DMD: variants seen among roughly 807,000 people sequenced by gnomAD.
DMD encodes mutant dystrophin.
Under a neutral mutation model 330.1 loss-of-function variants are expected in DMD, and 63 were observed. The observed-to-expected ratio is 0.19, with a 90% CI of 0.16 to 0.24. The LOEUF (loss-of-function observed/expected upper bound fraction) is 0.24. Ranked by LOEUF, DMD falls within the 10% of genes least tolerant of loss-of-function variation. The probability of loss-of-function intolerance (pLI) is 1.00; values close to 1 mark genes in which losing one functional copy is unlikely to be tolerated. For missense variants in DMD, 3,344 were observed against 2,684.1 expected, an observed-to-expected ratio of 1.25 and a Z score of -5.43; for synonymous variants, 1,223 against 959.8, an observed-to-expected ratio of 1.27 and a Z score of -5.07.
intron 2 of DMD, among the ~76,000 whole-genome samples, chrX:33,014,193 C>T (rs2093755800): frequency 9.0e-6 from 1 of 111,284 alleles, no homozygotes; most frequent in Non-Finnish European, 1.9e-5. Flanking sequence ...GTTGTGAAGG[C>T]CAACATCCTA....
rs138366351 is a variant in DMD, at chrX:32,784,720, A to C, written c.649+24773T>G. On this transcript the variant is annotated intron_variant, in intron 7 of 78. Transcript: ENST00000357033. ...TGGATCCGTGGATTTTGGTATATTT[A>C]AAATCCCATATAAGAATTATGATGC... Among the ~76,000 whole-genome samples, 421 of 111,977 alleles carry C rather than the reference A, an allele frequency of 3.8e-3. 2 individuals are homozygous for C. Among genetic ancestry groups the C allele is most frequent in the African/African-American group, 0.013 (390 of 30,999 alleles).
At chrX:32,910,451 T>C (rs2087125425) in intron 2 of DMD, among the ~76,000 whole-genome samples, 1 of 111,216 alleles carries the variant, frequency 9.0e-6, no homozygotes, top group Non-Finnish European at 1.9e-5. Flanking sequence ...TTTTTTTAGA[T>C]AGAGTCTCAC....
chrX:32,964,429 C>T (rs962327745), intron 2 of DMD, among the ~76,000 whole-genome samples: 7 of 110,407 alleles, frequency 6.3e-5, no homozygotes, highest in Non-Finnish European at 9.5e-5. Flanking sequence ...CTTTATAAGC[C>T]GGGCTCAGTG....
At chrX:31,442,752 T>C (rs1461037199) in intron 60 of DMD, among the ~76,000 whole-genome samples, 2 of 111,511 alleles carry the variant, frequency 1.8e-5, no homozygotes. Context: ...TTTCCTTATT[T>C]ATACTTAAGA....
intron 1 of DMD, among the ~76,000 whole-genome samples, chrX:33,050,420 T>A (rs895339052): frequency 9.9e-5 from 11 of 111,569 alleles, no homozygotes; most frequent in East Asian, 8.4e-4. Context: ...AGATTTTTTT[T>A]AAAAAAAGAA....
At chrX:32,961,443 T>G (rs1460149978) in intron 2 of DMD, among the ~76,000 whole-genome samples, 1 of 111,064 alleles carries the variant, frequency 9.0e-6, no homozygotes, top group Non-Finnish European at 1.9e-5. Flanking sequence ...ATTTAAAAAT[T>G]CTAATAAGGC....
intron 44 of DMD, among the ~76,000 whole-genome samples, chrX:32,012,017 G>T (rs1413634919): frequency 1.8e-5 from 2 of 111,766 alleles, no homozygotes; most frequent in Non-Finnish European, 3.8e-5. Flanking sequence ...CTAAACAGTT[G>T]TCAAGCCCCC....
rs535910805 is a variant in DMD at position 32,786,855 on chromosome X, C to T, written c.649+22638G>A. 6.2e-4 allele frequency among the ~76,000 whole-genome samples: 69 copies of T among 111,725 alleles called. No individual in the cohort carries two copies. In the South Asian group the frequency reaches 0.022, roughly 35 times the overall value. On this transcript the variant is annotated intron_variant, in intron 7 of 78. Coordinates refer to ENST00000357033, the MANE Select transcript of DMD (RefSeq NM_004006.3). ...AGTTGCAAATGACCAAAATAATAGT[C>T]TCTACCTCCTAGAGTTTTTGCAGAA...
At chrX:31,960,558 G>T (rs5972465) in intron 45 of DMD, among the ~76,000 whole-genome samples, 29,513 of 109,642 alleles carry the variant, frequency 0.27, 3,089 homozygotes, top group East Asian at 0.51. Context: ...CATCCTTTAA[G>T]ACCCATCCCA....
rs760810458 is a variant in DMD at position 33,305,444 on chromosome X, C to T, written c.7+33815G>A. Among the ~76,000 whole-genome samples the T allele has an allele frequency of 4.5e-3, 431 of 96,629 alleles. 9 individuals are homozygous for T. Among genetic ancestry groups the T allele is most frequent in the African/African-American group, 0.016 (412 of 26,498 alleles). The allele number at this position is 96,629 out of a possible 115,157, so 83.9% of individuals were successfully genotyped here. On this transcript the variant is annotated intron_variant, in intron 1 of 17. Transcript: ENST00000288447. ...GGGTGGGGGGAGGGGGGAGGGATAG[C>T]ATTAGGAGATATACCTAATGCTAAA...
intron 60 of DMD, among the ~76,000 whole-genome samples, chrX:31,380,626 G>C (rs1188532860): frequency 9.0e-6 from 1 of 111,368 alleles, no homozygotes; most frequent in African/African-American, 3.3e-5. Flanking sequence ...AGGTTTACAG[G>C]TTAGTTCAGG....
At chrX:31,889,805 C>T (rs905856945) in intron 47 of DMD, among the ~76,000 whole-genome samples, 1 of 109,968 alleles carries the variant, frequency 9.1e-6, no homozygotes, top group African/African-American at 3.3e-5. Context: ...ACTTTATTCC[C>T]ACACTCTCCA....
chrX:33,079,646 C>T (rs981992113), intron 1 of DMD, among the ~76,000 whole-genome samples: 1 of 111,055 alleles, frequency 9.0e-6, no homozygotes, highest in Non-Finnish European at 1.9e-5. Flanking sequence ...CTTTAGAGGA[C>T]CTAATATCTA....
At chrX:31,123,004 C>CTATT (rs2032989257) in intron 78 of DMD, among the ~76,000 whole-genome samples, 1 of 110,987 alleles carries the variant, frequency 9.0e-6, no homozygotes, top group African/African-American at 3.3e-5. Flanking sequence ...CTTTACTAGG[C>CTATT]TATTACTACC....
chrX:32,280,078 A>C (rs2097411399), intron 43 of DMD, among the ~76,000 whole-genome samples: 1 of 94,713 alleles, frequency 1.1e-5, no homozygotes, highest in South Asian at 4.9e-4. Context: ...ATACATAGTA[A>C]ATCTATTTAT....
At chrX:32,597,025 A>G (rs1208908263) in intron 12 of DMD, among the ~76,000 whole-genome samples, 1 of 111,855 alleles carries the variant, frequency 8.9e-6, no homozygotes, top group Non-Finnish European at 1.9e-5. Flanking sequence ...GTCTAATTGT[A>G]TACCATTCTC....
intron 62 of DMD, among the ~76,000 whole-genome samples, chrX:31,300,538 G>A (rs190664046): frequency 4.5e-5 from 5 of 111,837 alleles, no homozygotes; most frequent in Admixed American, 1.9e-4. Flanking sequence ...GACATCTGCC[G>A]TCAAAAATGT....
At chrX:32,740,209 A>G (rs750997855) in intron 7 of DMD, among the ~76,000 whole-genome samples, 35 of 110,273 alleles carry the variant, frequency 3.2e-4, no homozygotes, top group Non-Finnish European at 5.1e-4. Context: ...GCTGAGTACA[A>G]TGAGTTGAGA....
intron 1 of DMD, among the ~76,000 whole-genome samples, chrX:33,283,018 A>G (rs1039013658): frequency 1.8e-5 from 2 of 112,267 alleles, no homozygotes; most frequent in African/African-American, 6.5e-5. Flanking sequence ...TATGAGGAGC[A>G]GGGAAAAATC....
Sources: allele counts gnomAD v4.1 joint callset (sites outside exome capture counted in the v4.1 genomes callset), GRCh38; gene constraint gnomAD v4.1.1; transcripts MANE v1.5; gene names NCBI Gene and HGNC (gene_info 2026-07-23, HGNC 2026-07-21).